The following TICRR variants were observed in gnomAD, a reference collection of about 807,000 sequenced individuals.
The protein encoded by TICRR is treslin.
A neutral mutation model predicts 178.1 loss-of-function variants in TICRR; 132 were observed. The ratio of observed to expected loss-of-function variants is 0.74; its 90% CI spans 0.64 to 0.86. The LOEUF is 0.86. TICRR is among the 40% of genes least tolerant of loss of function. The probability of loss-of-function intolerance (pLI) is 0.00; values close to 1 mark genes in which losing one functional copy is unlikely to be tolerated. For synonymous variants in TICRR, 991 were observed against 900.7 expected (o/e 1.10, Z -1.79); for missense variants, 2,587 against 2,334.3 (o/e 1.11, Z -2.23).
chr15:89,577,125 C>T (rs1260140213), intron 1 of TICRR, among the ~76,000 whole-genome samples: 4 of 151,942 alleles, frequency 2.6e-5, no homozygotes, highest in African/African-American at 9.7e-5. Flanking sequence ...ACTCTGGCCT[C>T]AGGCAATCCG....
intron 13 of TICRR, among the ~76,000 whole-genome samples, 158 bp downstream of exon 13, chr15:89,603,050 C>T (rs904656214): frequency 6.6e-6 from 1 of 151,868 alleles, no homozygotes; most frequent in Non-Finnish European, 1.5e-5. Flanking sequence ...GAAATATAAA[C>T]TTGTCAAGAG....
chr15:89,584,938 GTAATA>G (rs1962794404), intron 3 of TICRR, among the ~76,000 whole-genome samples: 1 of 152,170 alleles, frequency 6.6e-6, no homozygotes, highest in Non-Finnish European at 1.5e-5. Context: ...TATATACAAT[GTAATA>G]TAATTGTCTG....
At chr15:89,607,654 T>C (rs775332446) in intron 14 of TICRR, among the ~76,000 whole-genome samples, 10 of 152,142 alleles carry the variant, frequency 6.6e-5, no homozygotes, top group Non-Finnish European at 1.2e-4. Context: ...GTTATTGATG[T>C]CCTTAATAAC....
intron 15 of TICRR, among the ~76,000 whole-genome samples, chr15:89,611,407 C>T (rs1054747726): frequency 6.6e-6 from 1 of 152,146 alleles, no homozygotes; most frequent in African/African-American, 2.4e-5. Context: ...TCCAGATTCT[C>T]TCTTTGTCCT....
In TICRR at chr15:89,591,849, G is replaced by A. The variant is rs1051843168; in HGVS notation, c.1412-198G>A. On this transcript the variant is annotated intron_variant, in intron 4 of 21. Transcript: ENST00000268138. Reference sequence around the variant, plus strand: ...GAACAAAAGACTTTAAATTGTGTCTGTATGTTTTTCAGTAGCATTTTTTAT... The same window carrying A: ...GAACAAAAGACTTTAAATTGTGTCTATATGTTTTTCAGTAGCATTTTTTAT... 17 of 430,602 alleles carry A rather than the reference G, an allele frequency of 3.9e-5. No individual in the cohort carries two copies. In the Admixed American group the frequency reaches 4.8e-4, roughly 12 times the overall value. 26.7% of individuals were successfully genotyped at this position (430,602 alleles called of 1,614,324 possible). A position where few individuals can be genotyped will look rare whatever the true frequency, so the allele number is the denominator to read the frequency against.
chr15:89,584,039 C>T (rs1962776404), intron 2 of TICRR, among the ~76,000 whole-genome samples: 1 of 152,160 alleles, frequency 6.6e-6, no homozygotes, highest in Non-Finnish European at 1.5e-5. Flanking sequence ...GTTCTGCCAT[C>T]ACATATTGCC....
In TICRR at chr15:89,591,007, C is replaced by T. The variant is rs1237431440; in HGVS notation, c.1412-1040C>T. Among the ~76,000 whole-genome samples the T allele has an allele frequency of 2.0e-5, 3 of 152,058 alleles. No individual in the cohort carries two copies. The East Asian group carries it at 5.8e-4, about 29-fold the overall frequency. On this transcript the variant is annotated intron_variant, in intron 4 of 21. Transcript: ENST00000268138. ...GGCTTATTTTAAGAGAGCCTTCTAC[C>T]CTCACACTCCCCAATACAGAGCCAC...
At chr15:89,606,733 T>C (rs1963181025) in intron 13 of TICRR, 35 bp from the exon 14 acceptor site, 1 of 1,591,750 alleles carries the variant, frequency 6.3e-7, no homozygotes. Flanking sequence ...TGAATGCCTA[T>C]TTAAATTTTC....
Position 89,575,559 on chromosome 15 carries a change from G to A in TICRR, c.-28G>A, listed in dbSNP as rs1236399385. On this transcript the variant is annotated 5_prime_UTR_variant, in exon 1 of 22. Coordinates refer to ENST00000268138, the MANE Select transcript of TICRR (RefSeq NM_152259.4). ...AGGGACGGTGGCGCGGGCCCGGACC[G>A]GGGCCCCGGGGCGGCGGCACGGCCG... is the stretch of plus-strand genomic sequence containing the variant. 4.1e-6 allele frequency: 6 copies of A among 1,448,512 alleles called. No homozygotes were observed. In the South Asian group the frequency reaches 8.8e-5, roughly 21 times the overall value. 89.7% of individuals were successfully genotyped at this position (1,448,512 alleles called of 1,614,324 possible).
Position 89,595,550 on chromosome 15 carries a change from T to C in TICRR, c.1839T>C (p.Ser613=). The C allele has an allele frequency of 6.2e-7, 1 of 1,614,210 alleles. No individual in the cohort carries two copies. The highest frequency in any genetic ancestry group is 8.5e-7 in the Non-Finnish European group (1 of 1,180,032). ...AGAAAGGAATCCAAAAGATACCTAGTGGGAGAACAGTGGATAAATTGGAAG... is the reference window on the plus strand; with the variant it reads ...AGAAAGGAATCCAAAAGATACCTAGCGGGAGAACAGTGGATAAATTGGAAG... ...AGEKGIQKIP[S]GRTVDKLEDR... The change falls in exon 7 of 22, where the codon AGT becomes AGC. Residue 613 remains serine (S), a synonymous_variant. Transcript: ENST00000268138.
rs1417456529 is a variant in TICRR at position 89,575,583 on chromosome 15, C to G, written c.-4C>G. On this transcript the variant is annotated 5_prime_UTR_variant, in exon 1 of 22. Coordinates refer to ENST00000268138, the MANE Select transcript of TICRR (RefSeq NM_152259.4). ...CGGGGCCCCGGGGCGGCGGCACGGC[C>G]GATATGGCATGCTGTCACAAAGTAA... 6.8e-7 allele frequency: 1 copy of G among 1,468,940 alleles called. No homozygotes were observed. The highest frequency in any genetic ancestry group is 8.9e-7 in the Non-Finnish European group (1 of 1,118,230). The allele number at this position is 1,468,940 out of a possible 1,614,324, so 91.0% of individuals were successfully genotyped here.
intron 1 of TICRR, among the ~76,000 whole-genome samples, chr15:89,578,656 CTCTT>C (rs1346510748): frequency 7.6e-6 from 1 of 132,144 alleles, no homozygotes; most frequent in Non-Finnish European, 1.7e-5. Flanking sequence ...ATCTCTCTCT[CTCTT>C]TTTTTTTTTG....
At position 89,585,796 on chromosome 15, in the gene TICRR, G is replaced by GT; in HGVS notation, c.1265_1266insT (p.Arg423ProfsTer6). Reference sequence around the variant, plus strand: ...GCCAGTGCTATGATCCTCACTGTGTGCCGCACCAAGGAGGCTGAATTTCAA... The same window carrying GT: ...GCCAGTGCTATGATCCTCACTGTGTGTCCGCACCAAGGAGGCTGAATTTCAA... On this transcript the variant is annotated frameshift_variant, in exon 4 of 22. Coordinates refer to ENST00000268138, the MANE Select transcript of TICRR (RefSeq NM_152259.4). LOFTEE classifies it high-confidence loss of function. 1 of 1,614,162 alleles carries GT rather than the reference G, an allele frequency of 6.2e-7. No individual in the cohort carries two copies. The highest frequency in any genetic ancestry group is 8.5e-7 in the Non-Finnish European group (1 of 1,180,020).
At chr15:89,599,275 G>A (rs1963052857) in intron 7 of TICRR, 49 bp from the exon 8 acceptor site, 1 of 1,421,918 alleles carries the variant, frequency 7.0e-7, no homozygotes, top group Non-Finnish European at 9.4e-7. Context: ...AGTAATACAA[G>A]GACTTGAGCA....
intron 1 of TICRR, among the ~76,000 whole-genome samples, chr15:89,577,487 T>TA (rs1379284443): frequency 4.6e-5 from 7 of 151,312 alleles, no homozygotes; most frequent in South Asian, 2.1e-4. Context: ...GGGAACAGAT[T>TA]AAACAGATAA....
chr15:89,600,613 G>A lies in TICRR; in HGVS notation c.2081G>A (p.Ser694Asn). 2 of 1,591,400 alleles carry A rather than the reference G, an allele frequency of 1.3e-6. No individual in the cohort carries two copies. Among genetic ancestry groups the A allele is most frequent in the Non-Finnish European group, 1.7e-6 (2 of 1,168,280 alleles). The change falls in exon 9 of 22, where the codon AGT (serine) becomes AAT (asparagine). Residue 694 changes from serine to asparagine, a missense_variant. Physicochemically the swap from Ser to Asn is conservative, Grantham distance 46. Coordinates refer to ENST00000268138, the MANE Select transcript of TICRR (RefSeq NM_152259.4). ...AACTGCCTGAATCAAGTAAAAAGTA[G>A]TCTCTTAAAAACTAGTAAAAGTCTT... The part of the protein sequence containing the change: ...EVNCLNQVKS[S>N]LLKTSKSLRQ...
At chr15:89,583,961 T>C (rs1359595881) in intron 2 of TICRR, among the ~76,000 whole-genome samples, 2 of 152,246 alleles carry the variant, frequency 1.3e-5, no homozygotes, top group Non-Finnish European at 2.9e-5. Context: ...GTGCTGAGAT[T>C]GCAGGCATGA....
chr15:89,601,621 G>C lies in TICRR; in HGVS notation c.2327+53G>C, dbSNP rs761962080. ...TTAAAATTGTTTTGTCAAAACCTAT[G>C]TATGGTGTTGTCTCTGAATTTTGGA... On this transcript the variant is annotated intron_variant, in intron 11 of 21. Transcript: ENST00000268138. 5 of 1,607,744 alleles carry C rather than the reference G, an allele frequency of 3.1e-6. No homozygotes were observed. In the South Asian group the frequency reaches 4.4e-5, roughly 14 times the overall value.
intron 1 of TICRR, among the ~76,000 whole-genome samples, chr15:89,578,986 C>T (rs1962674951): frequency 6.6e-6 from 1 of 152,092 alleles, no homozygotes; most frequent in Admixed American, 6.6e-5. Context: ...GGGGAGCGTG[C>T]AGTCTGGGAA....
Sources: gnomAD v4.1 joint callset for allele counts (sites outside exome capture counted in the v4.1 genomes callset) on GRCh38, gnomAD v4.1.1 for gene constraint, MANE v1.5 for transcripts, NCBI Gene and HGNC (gene_info 2026-07-23, HGNC 2026-07-21) for gene names.